Variants in GALNT13 observed in about 807,000 individuals in gnomAD.
The protein encoded by GALNT13 is UDP-GalNAc:polypeptide N-acetylgalactosaminyltransferase 13.
In GALNT13, 28 loss-of-function variants were observed where a neutral mutation model predicts 64.2. The observed-to-expected ratio is 0.44, with a 90% CI of 0.32 to 0.60. The LOEUF is 0.60. Ranked by LOEUF, GALNT13 falls within the 20% of genes least tolerant of loss-of-function variation. The pLI, the probability that GALNT13 is intolerant of heterozygous loss-of-function variation, is 0.05. For missense variants in GALNT13, 577 were observed against 669.8 expected, an observed-to-expected ratio of 0.86 and a Z score of 1.53; for synonymous variants, 214 against 224.6, an observed-to-expected ratio of 0.95 and a Z score of 0.42.
intron 9 of GALNT13, among the ~76,000 whole-genome samples, chr2:154,317,867 A>G (rs1694407470): frequency 6.6e-6 from 1 of 152,116 alleles, no homozygotes; most frequent in Non-Finnish European, 1.5e-5. Flanking sequence ...GTCAAGGATA[A>G]CAATCATTCT....
chr2:153,980,543 G>C (rs1028928981), intron 3 of GALNT13, among the ~76,000 whole-genome samples: 4 of 152,106 alleles, frequency 2.6e-5, no homozygotes, highest in Non-Finnish European at 5.9e-5. Flanking sequence ...GGTGTCGCGT[G>C]GGTGATCATG....
chr2:154,298,573 A>C (rs375639673), intron 8 of GALNT13, among the ~76,000 whole-genome samples: 420 of 10,954 alleles, frequency 0.038, 30 homozygotes, highest in Admixed American at 0.069. Context: ...TTTATATATA[A>C]ATTGTATATA....
At chr2:153,678,154 TG>T in the GALNT13 span, among the ~76,000 whole-genome samples, 7 of 107,844 alleles carry the variant, frequency 6.5e-5, no homozygotes, top group Non-Finnish European at 1.3e-4. Context: ...ATCCGACAAA[TG>T]AATATATATA....
At chr2:153,082,380 C>T in the GALNT13 span, among the ~76,000 whole-genome samples, 3 of 151,384 alleles carry the variant, frequency 2.0e-5, no homozygotes, top group South Asian at 6.3e-4. Flanking sequence ...ATAGCTTGGC[C>T]CCCACTTGAA....
the GALNT13 span, among the ~76,000 whole-genome samples, chr2:153,682,907 C>G: frequency 6.6e-6 from 1 of 151,584 alleles, no homozygotes; most frequent in Admixed American, 6.6e-5. Context: ...ACAGGGCACA[C>G]CTTTCTGGAT....
At chr2:154,106,555 C>T (rs1044035931) in intron 3 of GALNT13, among the ~76,000 whole-genome samples, 11 of 151,802 alleles carry the variant, frequency 7.2e-5, no homozygotes, top group African/African-American at 2.4e-4. Flanking sequence ...CTGCCTAATA[C>T]CAGAGTGTGT....
chr2:153,537,650 C>A, the GALNT13 span, among the ~76,000 whole-genome samples: 2 of 152,106 alleles, frequency 1.3e-5, no homozygotes, highest in African/African-American at 2.4e-5. Flanking sequence ...GTGGGAGGGA[C>A]TTGGTGGGAA....
chr2:153,657,877 T>C, the GALNT13 span, among the ~76,000 whole-genome samples: 1 of 152,158 alleles, frequency 6.6e-6, no homozygotes, highest in Non-Finnish European at 1.5e-5. Context: ...AGTCTTTGGC[T>C]GACTTTGGGT....
At chr2:153,952,298 C>G (rs557892007) in intron 3 of GALNT13, among the ~76,000 whole-genome samples, 9 of 152,152 alleles carry the variant, frequency 5.9e-5, no homozygotes, top group Middle Eastern at 3.4e-3. Flanking sequence ...TCCTGGCTCC[C>G]CCACTCATAT....
At chr2:153,534,646 G>T in the GALNT13 span, among the ~76,000 whole-genome samples, 14 of 151,818 alleles carry the variant, frequency 9.2e-5, no homozygotes, top group African/African-American at 3.4e-4. Context: ...ATTTGGGTAG[G>T]TAAAGGAAAA....
the GALNT13 span, among the ~76,000 whole-genome samples, chr2:153,315,888 T>C: frequency 1.1e-4 from 17 of 152,250 alleles, no homozygotes; most frequent in African/African-American, 4.1e-4. Flanking sequence ...GGAAGAAATA[T>C]TTGCACCATT....
chr2:154,268,886 A>G (rs565047309), intron 8 of GALNT13, among the ~76,000 whole-genome samples: 2 of 152,262 alleles, frequency 1.3e-5, no homozygotes, highest in South Asian at 4.1e-4. Flanking sequence ...ACTTTTTATT[A>G]TAATTACCCT....
chr2:153,138,472 T>A, the GALNT13 span, among the ~76,000 whole-genome samples: 1 of 152,078 alleles, frequency 6.6e-6, no homozygotes, highest in South Asian at 2.1e-4. Context: ...AGTTTTCCAT[T>A]GTCTTTCAGA....
the GALNT13 span, among the ~76,000 whole-genome samples, chr2:153,072,111 C>G: frequency 9.8e-5 from 15 of 152,328 alleles, no homozygotes; most frequent in East Asian, 5.8e-4. Flanking sequence ...CTTCTAATAA[C>G]TAGCATCTGC....
chr2:153,416,755 G>C, the GALNT13 span, among the ~76,000 whole-genome samples: 4 of 152,176 alleles, frequency 2.6e-5, no homozygotes, highest in Non-Finnish European at 5.9e-5. Flanking sequence ...TCCTCTATGT[G>C]ATATGATACA....
chr2:153,324,034 A>G, the GALNT13 span, among the ~76,000 whole-genome samples: 1 of 152,150 alleles, frequency 6.6e-6, no homozygotes, highest in African/African-American at 2.4e-5. Context: ...AAGAAAGTCA[A>G]TGGTAGCTTG....
At chr2:154,049,949 A>G (rs1310595522) in intron 3 of GALNT13, among the ~76,000 whole-genome samples, 1 of 152,134 alleles carries the variant, frequency 6.6e-6, no homozygotes, top group Non-Finnish European at 1.5e-5. Context: ...CAAAATCACA[A>G]TATAGCTAAA....
At chr2:154,172,565 A>C (rs1446903563) in intron 4 of GALNT13, among the ~76,000 whole-genome samples, 1 of 152,000 alleles carries the variant, frequency 6.6e-6, no homozygotes, top group East Asian at 1.9e-4. Flanking sequence ...TTCTTGGCTT[A>C]TTTCATTTAA....
At chr2:154,293,074 A>C (rs915077635) in intron 8 of GALNT13, among the ~76,000 whole-genome samples, 1 of 152,192 alleles carries the variant, frequency 6.6e-6, no homozygotes, top group African/African-American at 2.4e-5. Context: ...CCTGTGGATA[A>C]TAGGATAGTT....
Sources: gnomAD v4.1 joint callset for allele counts (sites outside exome capture counted in the v4.1 genomes callset) on GRCh38, gnomAD v4.1.1 for gene constraint, MANE v1.5 for transcripts, NCBI Gene and HGNC (gene_info 2026-07-23, HGNC 2026-07-21) for gene names.